The following DKK2 variants were observed in gnomAD, a reference collection of about 807,000 sequenced individuals.
DKK2 encodes dickkopf-related protein 2.
DKK2 carries 11 observed loss-of-function variants against 28.1 expected under a neutral mutation model. The ratio of observed to expected loss-of-function variants is 0.39; its 90% CI spans 0.25 to 0.65. DKK2 has a LOEUF of 0.65. DKK2 is among the 30% of genes least tolerant of loss of function. DKK2 has a pLI of 0.47. For synonymous variants in DKK2, 135 were observed against 126.5 expected (o/e 1.07, Z -0.45); for missense variants, 326 against 335.5 (o/e 0.97, Z 0.22).
chr4:106,960,887 C>T (rs1722676516), intron 1 of DKK2, among the ~76,000 whole-genome samples: 1 of 152,178 alleles, frequency 6.6e-6, no homozygotes, highest in East Asian at 1.9e-4. Flanking sequence ...CAAATTTCTT[C>T]CTTTCTACTG....
chr4:106,953,792 A>T (rs929173311), intron 1 of DKK2, among the ~76,000 whole-genome samples: 3 of 152,220 alleles, frequency 2.0e-5, no homozygotes, highest in African/African-American at 4.8e-5. Flanking sequence ...AGCACAATCC[A>T]ATAACTTTCA....
At position 107,027,504 on chromosome 4, in the gene DKK2, C is replaced by T. The variant is rs138979953; in HGVS notation, c.222+7866G>A. 2.3e-4 allele frequency among the ~76,000 whole-genome samples: 35 copies of T among 151,796 alleles called. No individual in the cohort carries two copies. In the East Asian group the frequency reaches 4.8e-3, roughly 21 times the overall value. On this transcript the variant is annotated intron_variant, in intron 1 of 3. Transcript: ENST00000285311. Reference sequence around the variant, plus strand: ...AAAATGATATGGAAACAATGAATTCCCAGTTTCTGAGTCCTCCTGGAAGAG... The same window carrying T: ...AAAATGATATGGAAACAATGAATTCTCAGTTTCTGAGTCCTCCTGGAAGAG...
chr4:106,964,305 A>T (rs551276072), intron 1 of DKK2, among the ~76,000 whole-genome samples: 82 of 152,164 alleles, frequency 5.4e-4, no homozygotes, highest in African/African-American at 1.9e-3. Context: ...ATTAAAAAAT[A>T]TTGAACTCCT....
At chr4:106,926,713 A>G (rs889145203) in intron 1 of DKK2, among the ~76,000 whole-genome samples, 1 of 152,202 alleles carries the variant, frequency 6.6e-6, no homozygotes, top group Admixed American at 6.5e-5. Flanking sequence ...ACCTCTGTTC[A>G]TACATTTCTC....
intron 1 of DKK2, among the ~76,000 whole-genome samples, chr4:107,028,302 G>A (rs980360020): frequency 6.6e-6 from 1 of 152,044 alleles, no homozygotes; most frequent in African/African-American, 2.4e-5. Context: ...TACATCATAT[G>A]CATTAGTTTA....
chr4:106,987,591 C>T (rs1578369087), intron 1 of DKK2, among the ~76,000 whole-genome samples: 1 of 151,682 alleles, frequency 6.6e-6, no homozygotes, highest in African/African-American at 2.4e-5. Flanking sequence ...CAGACTCTTT[C>T]TGGGGTATTT....
At chr4:107,013,294 T>C (rs1342037517) in intron 1 of DKK2, among the ~76,000 whole-genome samples, 1 of 151,278 alleles carries the variant, frequency 6.6e-6, no homozygotes, top group Admixed American at 6.6e-5. Context: ...TCAAAATACA[T>C]TACAAAGTTA....
chr4:107,022,550 G>A lies in DKK2; in HGVS notation c.222+12820C>T, dbSNP rs182577085. Among the ~76,000 whole-genome samples the A allele has an allele frequency of 3.1e-3, 476 of 152,120 alleles. 4 individuals carry two copies. Among genetic ancestry groups the A allele is most frequent in the South Asian group, 0.026 (126 of 4,824 alleles). On this transcript the variant is annotated intron_variant, in intron 1 of 3. Transcript: ENST00000285311. ...TGTGTGGCTTGAGGGACACAGTAGC[G>A]AGAAATAAGATAATTGATGACATTG...
chr4:106,944,115 T>A (rs1437103219), intron 1 of DKK2, among the ~76,000 whole-genome samples: 2 of 152,100 alleles, frequency 1.3e-5, no homozygotes, highest in Non-Finnish European at 2.9e-5. Context: ...GTGCATAGAC[T>A]TCAACATCTT....
intron 1 of DKK2, among the ~76,000 whole-genome samples, chr4:107,019,014 T>C (rs919612929): frequency 1.3e-5 from 2 of 152,044 alleles, no homozygotes; most frequent in African/African-American, 4.8e-5. Context: ...TGTTTGTTTG[T>C]TTTTTGCTTT....
intron 1 of DKK2, among the ~76,000 whole-genome samples, chr4:106,985,677 C>T (rs1008977384): frequency 1.3e-5 from 2 of 151,538 alleles, no homozygotes; most frequent in East Asian, 1.9e-4. Flanking sequence ...GGCATGGTGG[C>T]GGGCGCCTGT....
At position 106,997,656 on chromosome 4, in the gene DKK2, G is replaced by A. The variant is rs533399189; in HGVS notation, c.222+37714C>T. 2.0e-5 allele frequency among the ~76,000 whole-genome samples: 3 copies of A among 152,314 alleles called. No homozygotes were observed. The South Asian group carries it at 6.2e-4, about 32-fold the overall frequency. On this transcript the variant is annotated intron_variant, in intron 1 of 3. Transcript: ENST00000285311. ...GAGACAGGAACATATTCATTCTACAGACCAAAACATCCATGACAAAGGTCG... is the reference window on the plus strand; with the variant it reads ...GAGACAGGAACATATTCATTCTACAAACCAAAACATCCATGACAAAGGTCG...
rs143584180 is a variant in DKK2 at position 106,995,016 on chromosome 4, T to C, written c.222+40354A>G. Among the ~76,000 whole-genome samples the C allele has an allele frequency of 9.2e-3, 1,402 of 152,304 alleles. 24 individuals carry two copies. Among genetic ancestry groups the C allele is most frequent in the African/African-American group, 0.032 (1,325 of 41,564 alleles). On this transcript the variant is annotated intron_variant, in intron 1 of 3. Transcript: ENST00000285311. ...TTTATTAAAACCATGGTTTCATGAG[T>C]TACAGAAAATGTTAACAGTATTAAC... is the stretch of plus-strand genomic sequence containing the variant.
At chr4:106,996,521 AACT>A (rs1318635870) in intron 1 of DKK2, among the ~76,000 whole-genome samples, 1 of 152,186 alleles carries the variant, frequency 6.6e-6, no homozygotes, top group East Asian at 1.9e-4. Flanking sequence ...TGAAGGCCAC[AACT>A]ACCTTCTTTC....
chr4:106,950,923 A>C lies in DKK2; in HGVS notation c.223-24974T>G, dbSNP rs191174216. Among the ~76,000 whole-genome samples the C allele has an allele frequency of 2.0e-4, 30 of 152,216 alleles. No individual in the cohort carries two copies. In the East Asian group the frequency reaches 4.1e-3, roughly 21 times the overall value. Reference sequence around the variant, plus strand: ...AGAAACCTCCTTTGTGCTTCCTCCCATATATTACCAGCCCCGCAAGTCTAC... The same window carrying C: ...AGAAACCTCCTTTGTGCTTCCTCCCCTATATTACCAGCCCCGCAAGTCTAC... On this transcript the variant is annotated intron_variant, in intron 1 of 3. Transcript: ENST00000285311.
chr4:106,964,987 AGATAGATAGATAGATAGATT>A lies in DKK2; in HGVS notation c.223-39058_223-39039del, dbSNP rs1288224551. 1.6e-3 allele frequency among the ~76,000 whole-genome samples: 236 copies of A among 149,902 alleles called. 1 individual carries two copies. The highest frequency in any genetic ancestry group is 5.3e-3 in the African/African-American group (214 of 40,610). ...TAGATAGATAGATAGATAGATAGAT[AGATAGATAGATAGATAGATT>A]GATTGATTCTGATTCTCTGGAAACT... On this transcript the variant is annotated intron_variant, in intron 1 of 3. Coordinates refer to ENST00000285311, the MANE Select transcript of DKK2 (RefSeq NM_014421.3).
At chr4:107,035,216 C>T (rs183954108) in intron 1 of DKK2, among the ~76,000 whole-genome samples, 154 bp downstream of exon 1, 1 of 152,266 alleles carries the variant, frequency 6.6e-6, no homozygotes, top group East Asian at 1.9e-4. Context: ...CCCCCGCCCA[C>T]GCAGACCCTG....
chr4:106,936,663 G>A (rs937060682), intron 1 of DKK2, among the ~76,000 whole-genome samples: 4 of 152,276 alleles, frequency 2.6e-5, no homozygotes, highest in East Asian at 3.9e-4. Context: ...ACACATAATT[G>A]TCGGATTCAC....
At position 106,964,417 on chromosome 4, in the gene DKK2, C is replaced by T. The variant is rs7692193; in HGVS notation, c.223-38468G>A. Among the ~76,000 whole-genome samples the T allele has an allele frequency of 6.1e-3, 930 of 152,132 alleles. 9 individuals carry two copies. The highest frequency in any genetic ancestry group is 0.021 in the African/African-American group (863 of 41,504). ...AATGGGTACAAAAATGATGTTTAGA[C>T]AGAAGAAATAAGATCTAATGTTTGA... On this transcript the variant is annotated intron_variant, in intron 1 of 3. Transcript: ENST00000285311.
Sources: gnomAD v4.1 joint callset for allele counts (sites outside exome capture counted in the v4.1 genomes callset) on GRCh38, gnomAD v4.1.1 for gene constraint, MANE v1.5 for transcripts, NCBI Gene and HGNC (gene_info 2026-07-23, HGNC 2026-07-21) for gene names.